The following RYR3 variants were observed in gnomAD, a reference collection of about 807,000 sequenced individuals.
The protein encoded by RYR3 is ryanodine receptor 3.
A neutral mutation model predicts 584.3 loss-of-function variants in RYR3; 207 were observed. The ratio of observed to expected loss-of-function variants is 0.35; its 90% CI spans 0.32 to 0.40. The LOEUF is 0.40. Among genes scored for constraint, RYR3 ranks in the 10% least tolerant of loss-of-function variants. RYR3 has a pLI of 1.00. For missense variants in RYR3, 5,616 were observed against 6,089.2 expected, an observed-to-expected ratio of 0.92 and a Z score of 2.59; for synonymous variants, 2,416 against 2,248.5, an observed-to-expected ratio of 1.07 and a Z score of -2.11.
chr15:33,625,618 CAA>C (rs916762570), intron 20 of RYR3, among the ~76,000 whole-genome samples: 1 of 152,076 alleles, frequency 6.6e-6, no homozygotes, highest in African/African-American at 2.4e-5. Flanking sequence ...ATGGAGTTCA[CAA>C]AGGAATGTGG....
intron 1 of RYR3, among the ~76,000 whole-genome samples, chr15:33,330,012 G>A (rs186876309): frequency 7.2e-5 from 11 of 152,244 alleles, no homozygotes; most frequent in African/African-American, 2.6e-4. Flanking sequence ...CAAACCCTGA[G>A]GTCCTTCAGG....
At chr15:33,839,304 C>A (rs1276004301) in intron 89 of RYR3, among the ~76,000 whole-genome samples, 1 of 152,168 alleles carries the variant, frequency 6.6e-6, no homozygotes, top group Non-Finnish European at 1.5e-5. Flanking sequence ...CGAAGAATAA[C>A]ATAAAAGGAG....
intron 3 of RYR3, among the ~76,000 whole-genome samples, chr15:33,508,732 T>TCCTCACTG (rs1440393178): frequency 1.3e-5 from 2 of 152,194 alleles, no homozygotes; most frequent in Non-Finnish European, 1.5e-5. Context: ...ATAACAGACA[T>TCCTCACTG]CCTCACTGAG....
intron 1 of RYR3, among the ~76,000 whole-genome samples, chr15:33,351,253 T>C (rs1973206532): frequency 6.6e-6 from 1 of 152,164 alleles, no homozygotes; most frequent in African/African-American, 2.4e-5. Flanking sequence ...GGATCTGAAA[T>C]TGTGGCAATA....
At chr15:33,770,025 G>C (rs2073436908) in intron 62 of RYR3, among the ~76,000 whole-genome samples, 1 of 151,858 alleles carries the variant, frequency 6.6e-6, no homozygotes, top group Admixed American at 6.6e-5. Context: ...CATTAAGAAG[G>C]GTCCTTGTCA....
intron 64 of RYR3, among the ~76,000 whole-genome samples, chr15:33,779,932 A>G (rs967722604): frequency 2.6e-5 from 4 of 152,226 alleles, no homozygotes; most frequent in Non-Finnish European, 5.9e-5. Flanking sequence ...AATGGCGTGA[A>G]CCTGGGAGGC....
chr15:33,358,735 C>T lies in RYR3; in HGVS notation c.51+47639C>T, dbSNP rs139011384. Reference sequence around the variant, plus strand: ...ATTTTGCTTCTTTTGCAGTACCTAGCGCCTTAGCGGTAGTTAAATTTATAA... The same window carrying T: ...ATTTTGCTTCTTTTGCAGTACCTAGTGCCTTAGCGGTAGTTAAATTTATAA... On this transcript the variant is annotated intron_variant, in intron 1 of 103. Transcript: ENST00000634891. Among the ~76,000 whole-genome samples, 1,306 of 151,524 alleles carry T rather than the reference C, an allele frequency of 8.6e-3. 21 individuals carry two copies. The highest frequency in any genetic ancestry group is 0.03 in the African/African-American group (1,239 of 41,276).
rs1413498620 is a variant in RYR3, at chr15:33,821,388, G to A, written c.10915+19G>A. 1.3e-5 allele frequency: 20 copies of A among 1,593,900 alleles called. No homozygotes were observed. The highest frequency in any genetic ancestry group is 1.6e-5 in the Non-Finnish European group (19 of 1,169,258). On this transcript the variant is annotated intron_variant, in intron 79 of 103. Coordinates refer to ENST00000634891, the MANE Select transcript of RYR3 (RefSeq NM_001036.6). ...AGCAAAGGTGATTTCCCTAGTTTCT[G>A]GATGGGCTTATGTAACTTCCACAAA...
At chr15:33,501,032 A>G (rs1375748152) in intron 2 of RYR3, among the ~76,000 whole-genome samples, 1 of 152,098 alleles carries the variant, frequency 6.6e-6, no homozygotes, top group Non-Finnish European at 1.5e-5. Flanking sequence ...CCAGGCAGGG[A>G]CCACACACCA....
chr15:33,398,493 T>C (rs1004861963), intron 1 of RYR3, among the ~76,000 whole-genome samples: 3 of 152,232 alleles, frequency 2.0e-5, no homozygotes, highest in Admixed American at 6.5e-5. Context: ...ACAGTGAATT[T>C]TGGCAGTATT....
rs1393590819 is a variant in RYR3 at position 33,580,221 on chromosome 15, GT to G, written c.1437+78del. The G allele has an allele frequency of 4.1e-6, 5 of 1,208,650 alleles. No individual in the cohort carries two copies. The African/African-American group carries it at 7.6e-5, about 18-fold the overall frequency. The allele number at this position is 1,208,650 out of a possible 1,614,324, so 74.9% of individuals were successfully genotyped here. The stretch of plus-strand genomic sequence containing the variant: ...ATCCCTGTGACTACAACTTAGCTTT[GT>G]CTTTCTGCATGCACGTGTTTATGAG... On this transcript the variant is annotated intron_variant, in intron 13 of 103. Coordinates refer to ENST00000634891, the MANE Select transcript of RYR3 (RefSeq NM_001036.6).
chr15:33,461,054 C>T (rs2047998193), intron 1 of RYR3, among the ~76,000 whole-genome samples: 1 of 149,066 alleles, frequency 6.7e-6, no homozygotes, highest in African/African-American at 2.5e-5. Flanking sequence ...ACGCCATTCT[C>T]CTGCCTCAGC....
intron 38 of RYR3, among the ~76,000 whole-genome samples, chr15:33,687,310 G>A (rs11638487): frequency 0.31 from 46,701 of 151,998 alleles, 8,246 homozygotes; most frequent in East Asian, 0.43. Context: ...ACTCCCATTC[G>A]CAATTGCTAC....
At chr15:33,507,983 T>G (rs773510165) in intron 3 of RYR3, among the ~76,000 whole-genome samples, 2 of 152,152 alleles carry the variant, frequency 1.3e-5, no homozygotes, top group Non-Finnish European at 2.9e-5. Flanking sequence ...TCAAACTTCC[T>G]CAAAGGAAGG....
chr15:33,725,178 C>CATAT (rs1555426975), intron 45 of RYR3, among the ~76,000 whole-genome samples: 5 of 120,936 alleles, frequency 4.1e-5, no homozygotes, highest in East Asian at 4.2e-4. Flanking sequence ...CACACACACA[C>CATAT]ACACACACAC....
chr15:33,864,008 C>G (rs545341097), intron 102 of RYR3, 130 bp from the exon 103 acceptor site: 3 of 630,262 alleles, frequency 4.8e-6, no homozygotes, highest in Non-Finnish European at 8.5e-6. Flanking sequence ...TGCCACACTT[C>G]CCTGATCATT....
intron 102 of RYR3, among the ~76,000 whole-genome samples, chr15:33,863,852 C>T (rs993827870): frequency 6.6e-6 from 1 of 152,088 alleles, no homozygotes; most frequent in South Asian, 2.1e-4. Context: ...ATTTTGTTAA[C>T]AATAAAATGG....
chr15:33,854,366 T>TA (rs749147978), intron 96 of RYR3, 23 bp from the exon 97 acceptor site: 31 of 1,548,538 alleles, frequency 2.0e-5, no homozygotes, highest in Non-Finnish European at 2.5e-5. Context: ...TTATAAGTTT[T>TA]AAAATCACTT....
intron 98 of RYR3, 119 bp from the exon 99 acceptor site, chr15:33,857,661 C>G (rs2079834000): frequency 7.8e-7 from 1 of 1,280,114 alleles, no homozygotes; most frequent in Non-Finnish European, 1.1e-6. Context: ...CCACCCCTTC[C>G]CCATTTCCTC....
Sources: allele counts gnomAD v4.1 joint callset (sites outside exome capture counted in the v4.1 genomes callset), GRCh38; gene constraint gnomAD v4.1.1; transcripts MANE v1.5; gene names NCBI Gene and HGNC (gene_info 2026-07-23, HGNC 2026-07-21).